The following SFRP4 variants were observed in gnomAD, a reference collection of about 807,000 sequenced individuals.
The protein encoded by SFRP4 is secreted frizzled-related protein 4.
In SFRP4, 25 loss-of-function variants were observed where a neutral mutation model predicts 36.3. That is an observed-to-expected ratio of 0.69 (90% CI 0.50 to 0.96). SFRP4 has a LOEUF of 0.96. SFRP4 is among the 40% of genes least tolerant of loss of function. The probability of loss-of-function intolerance (pLI) is 0.00; values close to 1 mark genes in which losing one functional copy is unlikely to be tolerated. For synonymous variants in SFRP4, 182 were observed against 168.8 expected (o/e 1.08, Z -0.60); for missense variants, 487 against 459.6 (o/e 1.06, Z -0.54).
intron 4 of SFRP4, among the ~76,000 whole-genome samples, chr7:37,911,768 T>C (rs1785490863): frequency 6.6e-6 from 1 of 152,240 alleles, no homozygotes; most frequent in Non-Finnish European, 1.5e-5. Context: ...CTGTAAGCTA[T>C]TAAAGTGGCC....
chr7:37,914,332 A>T lies in SFRP4; in HGVS notation c.526+41T>A. 5.0e-6 allele frequency: 8 copies of T among 1,610,082 alleles called. No homozygotes were observed. The South Asian group carries it at 8.8e-5, about 18-fold the overall frequency. On this transcript the variant is annotated intron_variant, in intron 2 of 5. Coordinates refer to ENST00000436072, the MANE Select transcript of SFRP4 (RefSeq NM_003014.4). ...GGAAAAAGAACAGAAATCACTCTGG[A>T]GAGGAGAAGTAGAGGGAACGTCCAT...
At chr7:37,909,828 C>T in intron 4 of SFRP4, 148 bp from the exon 5 acceptor site, 1 of 475,794 alleles carries the variant, frequency 2.1e-6, no homozygotes. Flanking sequence ...CCTTTCATTC[C>T]TCCTTGTAAC....
chr7:37,911,577 A>G (rs1785487681), intron 4 of SFRP4, among the ~76,000 whole-genome samples: 1 of 152,172 alleles, frequency 6.6e-6, no homozygotes, highest in Non-Finnish European at 1.5e-5. Context: ...TGAAGCATAT[A>G]TTTATTTGTT....
rs750688162 is a variant in SFRP4, at chr7:37,907,583, G to C, written c.937C>G (p.Pro313Ala). 20 of 1,613,606 alleles carry C rather than the reference G, an allele frequency of 1.2e-5. No homozygotes were observed. Among genetic ancestry groups the C allele is most frequent in the Middle Eastern group, 1.7e-4 (1 of 6,040 alleles). Residue 313 changes from proline to alanine, a missense_variant, in exon 6 of 6, where the codon CCC (proline) becomes GCC (alanine). Physicochemically the swap from Pro to Ala is conservative, Grantham distance 27. Coordinates refer to ENST00000436072, the MANE Select transcript of SFRP4 (RefSeq NM_003014.4). ...KTAGRTSRSN[P>A]PKPKGKPPAP... is the part of the protein sequence containing the mutation. ...GGAGGCTTTCCCTTTGGTTTGGGGG[G>C]ATTACTACGACTGGTGCGCCCGGCT...
chr7:37,909,158 T>C (rs1386462967), intron 5 of SFRP4, among the ~76,000 whole-genome samples: 1 of 152,178 alleles, frequency 6.6e-6, no homozygotes, highest in African/African-American at 2.4e-5. Context: ...CGATTACTTT[T>C]TGCATATAAT....
chr7:37,911,935 T>TTCCTTCATTACTCATATTTTGATTTG (rs1785494157), intron 4 of SFRP4, among the ~76,000 whole-genome samples, 184 bp downstream of exon 4: 1 of 152,272 alleles, frequency 6.6e-6, no homozygotes, highest in South Asian at 2.1e-4. Context: ...ATTTTGATTT[T>TTCCTTCATTACTCATATTTTGATTTG]TCCTTCATTC....
chr7:37,907,356 A>T lies in SFRP4; in HGVS notation c.*123T>A, dbSNP rs17236975. ...AAGAAAAATGCTGCAAGATGTGTCT[A>T]TGAAGAGCACTGCAGTGAGTTGTTA... On this transcript the variant is annotated 3_prime_UTR_variant, in exon 6 of 6. Coordinates refer to ENST00000436072, the MANE Select transcript of SFRP4 (RefSeq NM_003014.4). The T allele has an allele frequency of 0.15, 109,629 of 733,776 alleles. 8,988 individuals are homozygous for T. The highest frequency in any genetic ancestry group is 0.22 in the Middle Eastern group (567 of 2,602). 45.5% of individuals were successfully genotyped at this position (733,776 alleles called of 1,614,324 possible).
chr7:37,909,759 AT>A (rs1229094281), intron 4 of SFRP4, 79 bp from the exon 5 acceptor site: 17 of 802,466 alleles, frequency 2.1e-5, no homozygotes, highest in Non-Finnish European at 3.1e-5. Context: ...TAAAAAAATT[AT>A]TCAATAATCC....
chr7:37,907,767 G>A, intron 5 of SFRP4, 103 bp from the exon 6 acceptor site: 1 of 782,352 alleles, frequency 1.3e-6, no homozygotes, highest in Non-Finnish European at 2.0e-6. Context: ...ATATATTAAT[G>A]ACGGTAACAA....
Position 37,912,227 on chromosome 7 carries a change from G to A in SFRP4, c.683C>T (p.Ser228Leu), listed in dbSNP as rs1299011407. 1 of 1,614,024 alleles carries A rather than the reference G, an allele frequency of 6.2e-7. No individual in the cohort carries two copies. The highest frequency in any genetic ancestry group is 1.7e-5 in the Admixed American group (1 of 60,030). ...VDVKEIFKSSSPIPRTQVPLI... is the reference protein window; with the variant it reads ...VDVKEIFKSSLPIPRTQVPLI... ...CGGGACTTGAGTTCGAGGGATGGGTGATGAGGACTTGAAGATCTCTTTTAC... is the reference window on the plus strand; with the variant it reads ...CGGGACTTGAGTTCGAGGGATGGGTAATGAGGACTTGAAGATCTCTTTTAC... Residue 228 changes from serine to leucine, a missense_variant, in exon 4 of 6, where the codon TCA (serine) becomes TTA (leucine). Physicochemically the swap from Ser to Leu is moderately radical, Grantham distance 145 (BLOSUM62 -2). Coordinates refer to ENST00000436072, the MANE Select transcript of SFRP4 (RefSeq NM_003014.4).
In SFRP4 at chr7:37,910,593, TATAAC is replaced by T. The variant is rs1254348294; in HGVS notation, c.792-918_792-914del. On this transcript the variant is annotated intron_variant, in intron 4 of 5. Coordinates refer to ENST00000436072, the MANE Select transcript of SFRP4 (RefSeq NM_003014.4). ...TTTACAAATTACTTTTCTTTTCAGA[TATAAC>T]ATATTTAGTCACTAATTTTGTCCTT... 3.9e-5 allele frequency among the ~76,000 whole-genome samples: 6 copies of T among 152,254 alleles called. 1 individual carries two copies. Among genetic ancestry groups the T allele is most frequent in the Admixed American group, 1.3e-4 (2 of 15,298 alleles).
Position 37,916,550 on chromosome 7 carries a change from T to A in SFRP4, c.-13A>T, listed in dbSNP as rs750248797. On this transcript the variant is annotated 5_prime_UTR_variant, in exon 1 of 6. Coordinates refer to ENST00000436072, the MANE Select transcript of SFRP4 (RefSeq NM_003014.4). The surrounding 1 kb of genome is among the most constrained non-coding windows in gnomAD (Gnocchi z 4.1). ...TGGAGAGGAACATGGCACTGCCCTC[T>A]CGCGCTGCGACCCCGGCAGACAGAA... is the stretch of plus-strand genomic sequence containing the variant. 11 of 1,595,844 alleles carry A rather than the reference T, an allele frequency of 6.9e-6. 1 individual carries two copies. The South Asian group carries it at 1.1e-4, about 16-fold the overall frequency.
rs756881667 is a variant in SFRP4 at position 37,916,465 on chromosome 7, C to A, written c.73G>T (p.Glu25Ter). The A allele has an allele frequency of 1.2e-6, 2 of 1,613,292 alleles. No homozygotes were observed. Among genetic ancestry groups the A allele is most frequent in the Admixed American group, 3.3e-5 (2 of 59,974 alleles). Reference protein sequence around the residue: ...LALGVRGAPCEAVRIPMCRHM... With the variant: ...LALGVRGAPC ...CGGCACATAGGGATGCGCACCGCCT[C>A]GCAGGGCGCGCCGCGCACGCCCAGC... The change falls in exon 1 of 6, where the codon GAG becomes TAG. Residue 25 changes from glutamate to a stop codon, truncating the protein, a stop_gained. Transcript: ENST00000436072. LOFTEE classifies it high-confidence loss of function. This position sits in a 1 kb window ranked among gnomAD's most constrained non-coding sequence, Gnocchi z 4.1.
In SFRP4 at chr7:37,906,230, G is replaced by T. The variant is rs955627340; in HGVS notation, c.*1249C>A. The T allele has an allele frequency of 6.6e-6, 1 of 152,192 alleles. No individual in the cohort carries two copies. The highest frequency in any genetic ancestry group is 1.5e-5 in the Non-Finnish European group (1 of 68,044). The allele number at this position is 152,192 out of a possible 1,614,324, so 9.4% of individuals were successfully genotyped here. On this transcript the variant is annotated 3_prime_UTR_variant, in exon 6 of 6. Transcript: ENST00000436072. Reference sequence around the variant, plus strand: ...TACTAATAGTGATTACCTCTGTGTAGTGGAGAGTAGGATTAGATAGGATTT... The same window carrying T: ...TACTAATAGTGATTACCTCTGTGTATTGGAGAGTAGGATTAGATAGGATTT...
rs575493144 is a variant in SFRP4 at position 37,906,583 on chromosome 7, T to G, written c.*896A>C. 1 of 152,346 alleles carries G rather than the reference T, an allele frequency of 6.6e-6. No individual in the cohort carries two copies. Among genetic ancestry groups the G allele is most frequent in the East Asian group, 1.9e-4 (1 of 5,182 alleles). 9.4% of individuals were successfully genotyped at this position (152,346 alleles called of 1,614,324 possible). A position where few individuals can be genotyped will look rare whatever the true frequency, so the allele number is the denominator to read the frequency against. On this transcript the variant is annotated 3_prime_UTR_variant, in exon 6 of 6. Coordinates refer to ENST00000436072, the MANE Select transcript of SFRP4 (RefSeq NM_003014.4). ...CTCACATGAAGGCCATTTTTAAGCT[T>G]GTCAAATTATTCTCAGGGTGGATGT...
At chr7:37,911,799 A>G (rs1785491616) in intron 4 of SFRP4, among the ~76,000 whole-genome samples, 1 of 152,156 alleles carries the variant, frequency 6.6e-6, no homozygotes, top group Non-Finnish European at 1.5e-5. Context: ...AGTATGTGCC[A>G]CTCTAAAATT....
At chr7:37,911,493 A>C (rs754482353) in intron 4 of SFRP4, among the ~76,000 whole-genome samples, 1 of 152,198 alleles carries the variant, frequency 6.6e-6, no homozygotes, top group African/African-American at 2.4e-5. Flanking sequence ...TATCCAAAAA[A>C]AATAAGAAAG....
At chr7:37,915,575 C>G (rs1785560624) in intron 1 of SFRP4, among the ~76,000 whole-genome samples, 1 of 152,150 alleles carries the variant, frequency 6.6e-6, no homozygotes, top group Non-Finnish European at 1.5e-5. Context: ...GGGCCAATGA[C>G]TATGAAACAG....
rs747849389 is a variant in SFRP4 at position 37,906,126 on chromosome 7, G to A, written c.*1353C>T. ...AAAGGAGGCAGGTTATGAAACACATGTATAGCAGGTTCCTAGTTTTATTTG... is the reference window on the plus strand; with the variant it reads ...AAAGGAGGCAGGTTATGAAACACATATATAGCAGGTTCCTAGTTTTATTTG... On this transcript the variant is annotated 3_prime_UTR_variant, in exon 6 of 6. Transcript: ENST00000436072. 3.9e-5 allele frequency: 6 copies of A among 152,136 alleles called. No homozygotes were observed. The highest frequency in any genetic ancestry group is 7.4e-5 in the Non-Finnish European group (5 of 68,020). The allele number at this position is 152,136 out of a possible 1,614,324, so 9.4% of individuals were successfully genotyped here. A position where few individuals can be genotyped will look rare whatever the true frequency, so the allele number is the denominator to read the frequency against.
Sources: gnomAD v4.1 joint callset for allele counts (sites outside exome capture counted in the v4.1 genomes callset) on GRCh38, gnomAD v4.1.1 for gene constraint, Gnocchi (gnomAD v3.1) non-coding constraint, MANE v1.5 for transcripts, NCBI Gene and HGNC (gene_info 2026-07-23, HGNC 2026-07-21) for gene names.